The following CFDP1 variants were observed in gnomAD, a reference collection of about 807,000 sequenced individuals.
CFDP1 encodes heterochromatin-stabilizing protein CFDP1.
A neutral mutation model predicts 40.1 loss-of-function variants in CFDP1; 31 were observed. That is an observed-to-expected ratio of 0.77 (90% confidence interval 0.58 to 1.04). CFDP1 has a LOEUF of 1.04. Among genes scored for constraint, CFDP1 ranks in the 50% least tolerant of loss-of-function variants. The probability of loss-of-function intolerance (pLI) is 0.00; values close to 1 mark genes in which losing one functional copy is unlikely to be tolerated. For synonymous variants in CFDP1, 167 were observed against 120.0 expected, an observed-to-expected ratio of 1.39 and a Z score of -2.56; for missense variants, 423 against 343.4, an observed-to-expected ratio of 1.23 and a Z score of -1.83.
intron 5 of CFDP1, among the ~76,000 whole-genome samples, chr16:75,366,585 T>C (rs1229351792): frequency 6.6e-6 from 1 of 152,142 alleles, no homozygotes; most frequent in Non-Finnish European, 1.5e-5. Context: ...ATCGTGCCAC[T>C]GTACTCTAAC....
intron 4 of CFDP1, among the ~76,000 whole-genome samples, chr16:75,401,779 C>G (rs1336876370): frequency 1.3e-5 from 2 of 150,710 alleles, no homozygotes; most frequent in Non-Finnish European, 3.0e-5. Context: ...TGGAAAGAGT[C>G]ACCTGAGACA....
intron 5 of CFDP1, among the ~76,000 whole-genome samples, chr16:75,326,849 C>G (rs1285938994): frequency 6.6e-6 from 1 of 152,132 alleles, no homozygotes; most frequent in African/African-American, 2.4e-5. Flanking sequence ...TCACCTATAA[C>G]GTTATACCCA....
chr16:75,423,173 C>T (rs1739552634), intron 1 of CFDP1, among the ~76,000 whole-genome samples: 2 of 148,624 alleles, frequency 1.3e-5, no homozygotes, highest in African/African-American at 2.5e-5. Flanking sequence ...CCCAGCTACT[C>T]GGGAGGCTGA....
chr16:75,392,931 C>A (rs1261056790), intron 5 of CFDP1, among the ~76,000 whole-genome samples: 1 of 152,204 alleles, frequency 6.6e-6, no homozygotes, highest in Non-Finnish European at 1.5e-5. Flanking sequence ...GTAACTACTA[C>A]ATGACTTCTG....
chr16:75,347,476 G>A (rs1041774590), intron 5 of CFDP1, among the ~76,000 whole-genome samples: 3 of 151,622 alleles, frequency 2.0e-5, no homozygotes, highest in Non-Finnish European at 2.9e-5. Flanking sequence ...TCAAGACATC[G>A]AGACCATCCT....
At chr16:75,417,982 G>C (rs537211515) in intron 1 of CFDP1, among the ~76,000 whole-genome samples, 3 of 151,966 alleles carry the variant, frequency 2.0e-5, no homozygotes, top group African/African-American at 7.2e-5. Flanking sequence ...GGCTGGGAGC[G>C]GTGGCTCATG....
At chr16:75,417,220 G>A (rs373165505) in intron 1 of CFDP1, among the ~76,000 whole-genome samples, 7 of 152,112 alleles carry the variant, frequency 4.6e-5, no homozygotes, top group African/African-American at 1.7e-4. Flanking sequence ...AAACACAAAT[G>A]TATTTACCTT....
intron 5 of CFDP1, 65 bp downstream of exon 5, chr16:75,395,025 G>A: frequency 6.3e-7 from 1 of 1,588,636 alleles, no homozygotes; most frequent in Non-Finnish European, 8.6e-7. Context: ...AGCGAAAGTA[G>A]GTATTTGCAC....
At chr16:75,430,090 T>C (rs1323605493) in intron 1 of CFDP1, among the ~76,000 whole-genome samples, 1 of 152,234 alleles carries the variant, frequency 6.6e-6, no homozygotes, top group Admixed American at 6.5e-5. Flanking sequence ...ATTTTCTTGT[T>C]GGCAACAGGT....
chr16:75,429,438 G>C (rs1294045668), intron 1 of CFDP1, among the ~76,000 whole-genome samples: 1 of 152,210 alleles, frequency 6.6e-6, no homozygotes, highest in East Asian at 1.9e-4. Flanking sequence ...CGGATCACCT[G>C]AGGTCAGGAG....
intron 5 of CFDP1, among the ~76,000 whole-genome samples, chr16:75,365,838 A>G (rs2078709805): frequency 6.6e-6 from 1 of 152,228 alleles, no homozygotes; most frequent in African/African-American, 2.4e-5. Context: ...CAAATTAAAT[A>G]CAATGAAGTA....
At chr16:75,330,962 T>TAAA (rs11333509) in intron 5 of CFDP1, among the ~76,000 whole-genome samples, 5 of 127,672 alleles carry the variant, frequency 3.9e-5, no homozygotes, top group East Asian at 2.3e-4. Flanking sequence ...TTCCAATTAT[T>TAAA]AAAAAAAAAA....
At position 75,431,253 on chromosome 16, in the gene CFDP1, ACAAGC is replaced by A. The variant is rs1347822473; in HGVS notation, c.64+2031_64+2035del. ...GACCATTTGAGGTCAGGAGTTTGAAACAAGCCTGGCCAACATGGTGTAACTTCGTC... is the reference window on the plus strand; with the variant it reads ...GACCATTTGAGGTCAGGAGTTTGAAACTGGCCAACATGGTGTAACTTCGTC... On this transcript the variant is annotated intron_variant, in intron 1 of 6. Coordinates refer to ENST00000283882, the MANE Select transcript of CFDP1 (RefSeq NM_006324.3). Among the ~76,000 whole-genome samples, 6 of 152,056 alleles carry A rather than the reference ACAAGC, an allele frequency of 3.9e-5. No homozygotes were observed. In the South Asian group the frequency reaches 1.2e-3, roughly 32 times the overall value.
chr16:75,300,298 T>C (rs1342820645), intron 6 of CFDP1, among the ~76,000 whole-genome samples: 1 of 152,144 alleles, frequency 6.6e-6, no homozygotes, highest in Admixed American at 6.5e-5. Flanking sequence ...CAAGTTTTTC[T>C]TTTTTTGAGA....
In CFDP1 at chr16:75,412,672, C is replaced by T; in HGVS notation, c.265G>A (p.Glu89Lys). The change falls in exon 3 of 7, where the codon GAG becomes AAG. Residue 89 changes from glutamate to lysine, a missense_variant. By Grantham distance (56) the Glu-to-Lys change is moderately conservative. Coordinates refer to ENST00000283882, the MANE Select transcript of CFDP1 (RefSeq NM_006324.3). Reference protein sequence around the residue: ...NSESEGSSSEEEDDAAEQEKG... With the variant: ...NSESEGSSSEKEDDAAEQEKG... Reference sequence around the variant, plus strand: ...TCCTGCTCTGCAGCGTCATCTTCCTCCTCACTACTGCTTCCCTCAGATTCT... The same window carrying T: ...TCCTGCTCTGCAGCGTCATCTTCCTTCTCACTACTGCTTCCCTCAGATTCT... 4 of 1,614,168 alleles carry T rather than the reference C, an allele frequency of 2.5e-6. No homozygotes were observed. Among genetic ancestry groups the T allele is most frequent in the Non-Finnish European group, 3.4e-6 (4 of 1,180,030 alleles).
intron 5 of CFDP1, among the ~76,000 whole-genome samples, chr16:75,385,920 T>C (rs1279432565): frequency 2.0e-5 from 3 of 152,126 alleles, no homozygotes; most frequent in Non-Finnish European, 2.9e-5. Flanking sequence ...TAACTTCACA[T>C]ACCTATTCCA....
rs551570620 is a variant in CFDP1, at chr16:75,433,479, T to A, written c.-127A>T. 126 of 813,024 alleles carry A rather than the reference T, an allele frequency of 1.5e-4. No homozygotes were observed. In the African/African-American group the frequency reaches 1.9e-3, roughly 12 times the overall value. 50.4% of individuals were successfully genotyped at this position (813,024 alleles called of 1,614,324 possible). ...CAGCTAGGGCGGCCCCCGACAGCGC[T>A]TTGCACATGCGCAGAGAGTACTACG... is the stretch of plus-strand genomic sequence containing the variant. On this transcript the variant is annotated 5_prime_UTR_variant, in exon 1 of 7. The change creates a new upstream start codon in the 5' untranslated region. Coordinates refer to ENST00000283882, the MANE Select transcript of CFDP1 (RefSeq NM_006324.3).
At chr16:75,427,967 G>C (rs187909616) in intron 1 of CFDP1, among the ~76,000 whole-genome samples, 5 of 152,128 alleles carry the variant, frequency 3.3e-5, no homozygotes, top group African/African-American at 1.2e-4. Context: ...TATGCTAAGC[G>C]GAAGAAGCCA....
At chr16:75,315,436 C>G (rs1486569607) in intron 5 of CFDP1, among the ~76,000 whole-genome samples, 1 of 149,620 alleles carries the variant, frequency 6.7e-6, no homozygotes, top group African/African-American at 2.5e-5. Context: ...CATTAATGAA[C>G]CTTGAGGCTG....
Sources: allele counts gnomAD v4.1 joint callset (sites outside exome capture counted in the v4.1 genomes callset), GRCh38; gene constraint gnomAD v4.1.1; transcripts MANE v1.5; gene names NCBI Gene and HGNC (gene_info 2026-07-23, HGNC 2026-07-21).